WNK3: variants seen among roughly 807,000 people sequenced by gnomAD.
The protein encoded by WNK3 is WNK lysine deficient protein kinase 3, also known as serine/threonine-protein kinase WNK3.
Under a neutral mutation model 116.7 loss-of-function variants are expected in WNK3, and 18 were observed. The ratio of observed to expected loss-of-function variants is 0.15; its 90% confidence interval spans 0.11 to 0.23. The LOEUF (loss-of-function observed/expected upper bound fraction) is 0.23, where lower values mean the gene tolerates loss of function less well. WNK3 is among the 10% of genes least tolerant of loss of function. The probability of loss-of-function intolerance (pLI) is 1.00; values close to 1 mark genes in which losing one functional copy is unlikely to be tolerated. For missense variants in WNK3, 993 were observed against 1,323.8 expected (o/e 0.75, Z 3.88); for synonymous variants, 404 against 469.4 (o/e 0.86, Z 1.80).
chrX:54,261,009 C>T (rs182014972), intron 10 of WNK3, among the ~76,000 whole-genome samples: 10 of 109,968 alleles, frequency 9.1e-5, no homozygotes, highest in Admixed American at 7.8e-4. Context: ...GGATTACAGC[C>T]GTGAGCCACC....
intron 13 of WNK3, among the ~76,000 whole-genome samples, chrX:54,252,601 C>T (rs978997239): frequency 2.9e-5 from 3 of 104,558 alleles, no homozygotes; most frequent in Admixed American, 1.1e-4. Flanking sequence ...TCCCAGGAGG[C>T]GGAGGTTGCA....
chrX:54,316,222 A>G (rs2068953892), intron 2 of WNK3, among the ~76,000 whole-genome samples: 1 of 111,054 alleles, frequency 9.0e-6, no homozygotes, highest in Admixed American at 9.7e-5. Flanking sequence ...CCTTGATCCA[A>G]TAGGATTAGT....
intron 17 of WNK3, among the ~76,000 whole-genome samples, chrX:54,240,115 G>A (rs781908813): frequency 1.3e-3 from 140 of 110,734 alleles, no homozygotes; most frequent in African/African-American, 4.5e-3. Context: ...GACCAGACTG[G>A]CCAACATGGT....
chrX:54,286,123 G>A (rs2068576897), intron 10 of WNK3, among the ~76,000 whole-genome samples: 1 of 109,512 alleles, frequency 9.1e-6, no homozygotes, highest in African/African-American at 3.3e-5. Context: ...TATACAACAC[G>A]TGCAATCTGC....
chrX:54,306,407 GTGAA>G (rs782294834), intron 5 of WNK3, among the ~76,000 whole-genome samples: 55 of 111,887 alleles, frequency 4.9e-4, no homozygotes, highest in Non-Finnish European at 9.0e-4. Flanking sequence ...ATGTTCATCA[GTGAA>G]TGAATAAAGA....
At chrX:54,241,128 A>G (rs782024366) in intron 17 of WNK3, among the ~76,000 whole-genome samples, 36 of 111,690 alleles carry the variant, frequency 3.2e-4, no homozygotes, top group African/African-American at 1.1e-3. Flanking sequence ...TGTGGCCAAG[A>G]AAGAGGTCAA....
intron 20 of WNK3, among the ~76,000 whole-genome samples, chrX:54,233,254 A>C (rs1316505040): frequency 2.0e-5 from 2 of 99,153 alleles, no homozygotes; most frequent in Non-Finnish European, 4.0e-5. Context: ...GGGTGACCCT[A>C]TCTCTCTAAA....
At chrX:54,309,360 CTTA>C (rs2068860126) in intron 3 of WNK3, 45 bp from the exon 4 acceptor site, 9 of 969,768 alleles carry the variant, frequency 9.3e-6, no homozygotes, top group Non-Finnish European at 1.3e-5. Context: ...ACATATCCAA[CTTA>C]TTATATGAAC....
intron 2 of WNK3, among the ~76,000 whole-genome samples, chrX:54,332,820 G>A (rs782000875): frequency 9.7e-6 from 1 of 103,079 alleles, no homozygotes; most frequent in African/African-American, 3.6e-5. Flanking sequence ...AGCCGAGACT[G>A]CACCACTGCA....
chrX:54,259,136 A>C lies in WNK3; in HGVS notation c.2102+138T>G, dbSNP rs1466346997. On this transcript the variant is annotated intron_variant, in intron 11 of 23. Coordinates refer to ENST00000354646, the Ensembl canonical transcript of WNK3. ...TAAAAAAGCAAAAAAAAAAAAAAAA[A>C]CTATCGTCTTTATTAAACATCCACA... 9.3e-6 allele frequency: 3 copies of C among 320,970 alleles called. No homozygotes were observed. The Admixed American group carries it at 1.8e-4, about 19-fold the overall frequency. 26.5% of individuals were successfully genotyped at this position (320,970 alleles called of 1,213,427 possible).
intron 10 of WNK3, among the ~76,000 whole-genome samples, chrX:54,277,342 T>C (rs2068461063): frequency 1.8e-5 from 2 of 110,308 alleles, no homozygotes; most frequent in South Asian, 7.6e-4. Context: ...TTTTCTTTTT[T>C]TCTTTTTTTT....
intron 17 of WNK3, among the ~76,000 whole-genome samples, chrX:54,239,527 T>C (rs968774635): frequency 9.0e-6 from 1 of 111,174 alleles, no homozygotes; most frequent in African/African-American, 3.3e-5. Flanking sequence ...TTTATGCCTA[T>C]ATTATTTAAG....
At chrX:54,254,979 CTGATT>C (rs1252112696) in intron 12 of WNK3, among the ~76,000 whole-genome samples, 1 of 110,584 alleles carries the variant, frequency 9.0e-6, no homozygotes, top group African/African-American at 3.3e-5. Flanking sequence ...CTTCGCTCCT[CTGATT>C]TCATTTTTTT....
At chrX:54,337,330 G>C (rs1437910415) in intron 1 of WNK3, among the ~76,000 whole-genome samples, 2 of 110,633 alleles carry the variant, frequency 1.8e-5, no homozygotes, top group African/African-American at 6.6e-5. Flanking sequence ...GGGAGGCCAA[G>C]GTGGGTGGAT....
chrX:54,301,856 T>C (rs1557167532), exon 6 of WNK3: 16 of 1,203,690 alleles, frequency 1.3e-5, no homozygotes, highest in Non-Finnish European at 7.9e-6. Flanking sequence ...GCTGGTTTTA[T>C]GCCCTAGGAG....
intron 11 of WNK3, among the ~76,000 whole-genome samples, chrX:54,257,332 C>T (rs2068203540): frequency 9.0e-6 from 1 of 110,964 alleles, no homozygotes; most frequent in Admixed American, 9.6e-5. Flanking sequence ...TAGGGAAGCA[C>T]TCTCCACCTC....
At chrX:54,259,205 G>A in intron 11 of WNK3, 69 bp downstream of exon 11, 1 of 622,342 alleles carries the variant, frequency 1.6e-6, no homozygotes, top group Non-Finnish European at 2.5e-6. Flanking sequence ...GATGCACTAA[G>A]CACCTAATGA....
intron 10 of WNK3, among the ~76,000 whole-genome samples, chrX:54,277,399 A>G (rs186019914): frequency 9.4e-6 from 1 of 106,784 alleles, no homozygotes; most frequent in Non-Finnish European, 1.9e-5. Flanking sequence ...GTGAGGTGGT[A>G]CGATCTCGGC....
chrX:54,222,088 C>A (rs782817713), intron 22 of WNK3, among the ~76,000 whole-genome samples: 14 of 111,276 alleles, frequency 1.3e-4, no homozygotes, highest in Middle Eastern at 9.4e-3. Flanking sequence ...ACCTGGGAGG[C>A]GGAGGTTGCA....
Sources: allele counts gnomAD v4.1 joint callset (sites outside exome capture counted in the v4.1 genomes callset), GRCh38; gene constraint gnomAD v4.1.1; transcripts MANE v1.5; gene names NCBI Gene and HGNC (gene_info 2026-07-23, HGNC 2026-07-21).